The following PHTF1 variants were observed in gnomAD, a reference collection of about 807,000 sequenced individuals.
PHTF1 encodes protein PHTF1.
Under a neutral mutation model 102.4 loss-of-function variants are expected in PHTF1, and 88 were observed. The ratio of observed to expected loss-of-function variants is 0.86; its 90% confidence interval spans 0.72 to 1.03. The LOEUF is 1.03. Ranked by LOEUF, PHTF1 falls within the 50% of genes least tolerant of loss-of-function variation. The probability of loss-of-function intolerance (pLI) is 0.00; values close to 1 mark genes in which losing one functional copy is unlikely to be tolerated. For synonymous variants in PHTF1, 289 were observed against 305.2 expected (o/e 0.95, Z 0.55); for missense variants, 814 against 909.5 (o/e 0.89, Z 1.35).
At chr1:113,756,389 A>G (rs1052925593) in intron 3 of PHTF1, among the ~76,000 whole-genome samples, 1 of 152,204 alleles carries the variant, frequency 6.6e-6, no homozygotes, top group African/African-American at 2.4e-5. Flanking sequence ...CCTATTTAAC[A>G]GAACAGATAA....
intron 3 of PHTF1, among the ~76,000 whole-genome samples, chr1:113,753,699 C>G (rs1658426443): frequency 6.6e-6 from 1 of 151,844 alleles, no homozygotes; most frequent in African/African-American, 2.4e-5. Flanking sequence ...GCTAGGATTA[C>G]AGGCATCAGC....
At position 113,726,585 on chromosome 1, in the gene PHTF1, G is replaced by C. The variant is rs774540139; in HGVS notation, c.332-11C>G. ...AGACAATTGCTATAACTGAAAAGAA[G>C]AGGTTTTAAGATGTAAAACATTAGA... On this transcript the variant is annotated splice_polypyrimidine_tract_variant and intron_variant, in intron 5 of 18. Transcript: ENST00000369604. 1 of 1,508,436 alleles carries C rather than the reference G, an allele frequency of 6.6e-7. No homozygotes were observed. The highest frequency in any genetic ancestry group is 1.2e-5 in the South Asian group (1 of 80,760). 93.4% of individuals were successfully genotyped at this position (1,508,436 alleles called of 1,614,324 possible).
intron 3 of PHTF1, among the ~76,000 whole-genome samples, chr1:113,739,979 T>A (rs938444408): frequency 1.1e-4 from 16 of 152,224 alleles, no homozygotes; most frequent in Non-Finnish European, 2.2e-4. Flanking sequence ...TCCATTCACC[T>A]GTTGATGGAC....
intron 7 of PHTF1, among the ~76,000 whole-genome samples, chr1:113,716,567 C>A (rs1037366321): frequency 2.0e-5 from 3 of 151,956 alleles, no homozygotes; most frequent in Non-Finnish European, 4.4e-5. Context: ...CCAGGTTGGT[C>A]TTGAACTTCT....
intron 7 of PHTF1, among the ~76,000 whole-genome samples, chr1:113,722,223 G>A (rs748474070): frequency 9.2e-5 from 14 of 151,846 alleles, no homozygotes; most frequent in African/African-American, 3.1e-4. Context: ...AAACCAAGAC[G>A]GGCGGATCAC....
At chr1:113,719,610 A>T (rs1183740745) in intron 7 of PHTF1, among the ~76,000 whole-genome samples, 5 of 152,164 alleles carry the variant, frequency 3.3e-5, no homozygotes, top group Non-Finnish European at 4.4e-5. Flanking sequence ...CTTATTGTTC[A>T]TATCACTATC....
intron 11 of PHTF1, among the ~76,000 whole-genome samples, chr1:113,709,391 C>G (rs956146362): frequency 3.3e-5 from 5 of 152,068 alleles, no homozygotes; most frequent in Non-Finnish European, 2.9e-5. Context: ...AAATATATAT[C>G]CATCATCCAC....
intron 11 of PHTF1, among the ~76,000 whole-genome samples, chr1:113,708,980 G>T (rs1191451774): frequency 6.6e-6 from 1 of 152,150 alleles, no homozygotes; most frequent in Admixed American, 6.5e-5. Flanking sequence ...TGAGAGCCAG[G>T]TATGGTGACT....
chr1:113,705,468 TC>T (rs1158027416), intron 13 of PHTF1, among the ~76,000 whole-genome samples: 1 of 152,100 alleles, frequency 6.6e-6, no homozygotes, highest in East Asian at 1.9e-4. Context: ...AAATCACACT[TC>T]TTCTGCATAT....
chr1:113,699,939 T>C, intron 16 of PHTF1, 140 bp from the exon 17 acceptor site: 1 of 673,242 alleles, frequency 1.5e-6, no homozygotes. Flanking sequence ...AGAGAACATA[T>C]GTCATGTGCT....
chr1:113,745,610 C>T (rs954492025), intron 3 of PHTF1, among the ~76,000 whole-genome samples: 3 of 152,136 alleles, frequency 2.0e-5, no homozygotes, highest in African/African-American at 7.2e-5. Flanking sequence ...TATTTACATC[C>T]ACTCCCCACT....
chr1:113,699,699 CT>C lies in PHTF1; in HGVS notation c.2142+4del. The C allele has an allele frequency of 1.7e-6, 2 of 1,183,068 alleles. No homozygotes were observed. The highest frequency in any genetic ancestry group is 2.5e-6 in the Non-Finnish European group (2 of 802,570). The allele number at this position is 1,183,068 out of a possible 1,614,324, so 73.3% of individuals were successfully genotyped here. ...AGTAAAAGTGTATCATAGCCTATGA[CT>C]TACTTTCAACAACTTGGTGGACAGC... On this transcript the variant is annotated splice_donor_region_variant and intron_variant, in intron 17 of 18. Transcript: ENST00000369604.
At chr1:113,715,149 C>G (rs561625443) in intron 7 of PHTF1, 1 of 152,274 alleles carries the variant, frequency 6.6e-6, no homozygotes, top group Non-Finnish European at 1.5e-5. Context: ...CCCTCAAATA[C>G]TTGGAAAGCC....
At chr1:113,746,247 T>C (rs769958267) in intron 3 of PHTF1, among the ~76,000 whole-genome samples, 12 of 152,160 alleles carry the variant, frequency 7.9e-5, no homozygotes, top group Admixed American at 7.2e-4. Context: ...TCCAGAAGTA[T>C]TGGTAACTGA....
chr1:113,707,137 G>A (rs1460967563), intron 11 of PHTF1, among the ~76,000 whole-genome samples: 1 of 152,100 alleles, frequency 6.6e-6, no homozygotes, highest in Non-Finnish European at 1.5e-5. Context: ...GATAAGCTTA[G>A]TGTAGTCATG....
intron 7 of PHTF1, among the ~76,000 whole-genome samples, chr1:113,718,583 T>C (rs1332342777): frequency 1.3e-5 from 2 of 152,218 alleles, no homozygotes; most frequent in African/African-American, 4.8e-5. Flanking sequence ...AGCAAAACTA[T>C]TGCCTGGGCA....
intron 7 of PHTF1, among the ~76,000 whole-genome samples, chr1:113,721,094 G>A (rs574478004): frequency 1.3e-5 from 2 of 152,164 alleles, no homozygotes; most frequent in South Asian, 4.1e-4. Flanking sequence ...AACAGACTGA[G>A]GCTCTGTCTC....
Position 113,737,215 on chromosome 1 carries a change from T to C in PHTF1, c.331+895A>G, listed in dbSNP as rs1017356037. 2.6e-4 allele frequency among the ~76,000 whole-genome samples: 40 copies of C among 152,222 alleles called. 1 individual carries two copies. Among genetic ancestry groups the C allele is most frequent in the Non-Finnish European group, 1.0e-4 (7 of 68,044 alleles). ...AAGATTTAATTTTTCACCTGAATACTGGGTGATTGATAGTATCATTTAATG... is the reference window on the plus strand; with the variant it reads ...AAGATTTAATTTTTCACCTGAATACCGGGTGATTGATAGTATCATTTAATG... On this transcript the variant is annotated intron_variant, in intron 5 of 18. Coordinates refer to ENST00000369604, the MANE Select transcript of PHTF1 (RefSeq NM_001323043.2).
At chr1:113,744,424 A>G (rs1656886137) in intron 3 of PHTF1, among the ~76,000 whole-genome samples, 1 of 152,238 alleles carries the variant, frequency 6.6e-6, no homozygotes, top group Non-Finnish European at 1.5e-5. Flanking sequence ...TACAATCAAA[A>G]GAATTGAACT....
Sources: allele counts gnomAD v4.1 joint callset (sites outside exome capture counted in the v4.1 genomes callset), GRCh38; gene constraint gnomAD v4.1.1; transcripts MANE v1.5; gene names NCBI Gene and HGNC (gene_info 2026-07-23, HGNC 2026-07-21).